ATP6V0A2: variants seen among roughly 807,000 people sequenced by gnomAD.
ATP6V0A2 encodes V-type proton ATPase 116 kDa subunit a 2.
ATP6V0A2 carries 58 observed loss-of-function variants against 104.4 expected under a neutral mutation model. The ratio of observed to expected loss-of-function variants is 0.56; its 90% confidence interval spans 0.45 to 0.69. ATP6V0A2 has a LOEUF of 0.69. Ranked by LOEUF, ATP6V0A2 falls within the 30% of genes least tolerant of loss-of-function variation. The pLI is 0.00. For synonymous variants in ATP6V0A2, 376 were observed against 397.9 expected (o/e 0.95, Z 0.65); for missense variants, 938 against 1,062.9 (o/e 0.88, Z 1.63).
chr12:123,723,734 C>A (rs1483578086), intron 3 of ATP6V0A2: 2 of 152,182 alleles, frequency 1.3e-5, no homozygotes, highest in East Asian at 3.8e-4. Flanking sequence ...GCTGGGATTA[C>A]AGGCGTGAGC....
intron 9 of ATP6V0A2, among the ~76,000 whole-genome samples, chr12:123,743,499 C>G (rs967535042): frequency 6.6e-6 from 1 of 151,956 alleles, no homozygotes; most frequent in Non-Finnish European, 1.5e-5. Flanking sequence ...ACTAAAAATA[C>G]AAAATTAGAC....
At position 123,718,705 on chromosome 12, in the gene ATP6V0A2, A is replaced by G. The variant is rs1241215496; in HGVS notation, c.196+4A>G. 10 of 1,605,178 alleles carry G rather than the reference A, an allele frequency of 6.2e-6. 1 individual carries two copies. Among genetic ancestry groups the G allele is most frequent in the East Asian group, 2.2e-5 (1 of 44,752 alleles). On this transcript the variant is annotated splice_donor_region_variant and intron_variant, in intron 2 of 19. Transcript: ENST00000330342. ...GAAGAGCTAGAGCGAATATTGGGTA[A>G]GTTTATTTTCTGATTTAACAACTTA... is the stretch of plus-strand genomic sequence containing the variant.
Position 123,744,040 on chromosome 12 carries a change from T to G in ATP6V0A2, c.1189+105T>G. On this transcript the variant is annotated intron_variant, in intron 10 of 19. Coordinates refer to ENST00000330342, the MANE Select transcript of ATP6V0A2 (RefSeq NM_012463.4). This position sits in a 1 kb window ranked among gnomAD's most constrained non-coding sequence, Gnocchi z 5.4. The stretch of plus-strand genomic sequence containing the variant: ...GAAAGAGAGGCTGACCATTACTTTT[T>G]TGCTATCTTATTTAAAAGTATAAGG... 7 of 1,557,498 alleles carry G rather than the reference T, an allele frequency of 4.5e-6. No homozygotes were observed. In the African/African-American group the frequency reaches 8.1e-5, roughly 18 times the overall value.
chr12:123,740,538 C>G (rs1263459346), intron 9 of ATP6V0A2, among the ~76,000 whole-genome samples: 1 of 152,144 alleles, frequency 6.6e-6, no homozygotes, highest in Non-Finnish European at 1.5e-5. Flanking sequence ...CGTGGTCTTT[C>G]TGTATGTTCT....
At chr12:123,735,695 T>C (rs1047712157) in intron 8 of ATP6V0A2, 71 bp downstream of exon 8, 1 of 1,223,698 alleles carries the variant, frequency 8.2e-7, no homozygotes, top group Non-Finnish European at 1.2e-6. Context: ...ATTTTCTCTC[T>C]TTTTTAACAT....
chr12:123,736,618 T>C (rs2135901183), intron 8 of ATP6V0A2, among the ~76,000 whole-genome samples: 1 of 152,318 alleles, frequency 6.6e-6, no homozygotes, highest in South Asian at 2.1e-4. Flanking sequence ...TGGCATGAAG[T>C]GTCCTTCTGA....
chr12:123,730,055 T>C lies in ATP6V0A2; in HGVS notation c.648+2146T>C, dbSNP rs867436662. Among the ~76,000 whole-genome samples, 137 of 103,434 alleles carry C rather than the reference T, an allele frequency of 1.3e-3. 2 individuals are homozygous for C. The highest frequency in any genetic ancestry group is 2.1e-3 in the East Asian group (8 of 3,782). The allele number at this position is 103,434 out of a possible 152,430, so 67.9% of individuals were successfully genotyped here. A position where few individuals can be genotyped will look rare whatever the true frequency, so the allele number is the denominator to read the frequency against. On this transcript the variant is annotated intron_variant, in intron 6 of 19. Transcript: ENST00000330342. The stretch of plus-strand genomic sequence containing the variant: ...ATCAGGAGTTAGGTCTTTTTTTTTT[T>C]TTTTTTTTTTTTTTTTTGAGACAGC...
At position 123,752,147 on chromosome 12, in the gene ATP6V0A2, A is replaced by C. The variant is rs1215931192; in HGVS notation, c.2056-136A>C. The C allele has an allele frequency of 9.7e-6, 11 of 1,130,670 alleles. No homozygotes were observed. The East Asian group carries it at 1.5e-4, about 15-fold the overall frequency. 70.0% of individuals were successfully genotyped at this position (1,130,670 alleles called of 1,614,324 possible). ...AGTGCTGTGATTACAGGTGTGAGCC[A>C]CTGTGCCTAGCCTAAAGAACTTTTT... On this transcript the variant is annotated intron_variant, in intron 16 of 19. Coordinates refer to ENST00000330342, the MANE Select transcript of ATP6V0A2 (RefSeq NM_012463.4).
chr12:123,728,906 C>T (rs1226512782), intron 6 of ATP6V0A2, among the ~76,000 whole-genome samples: 3 of 152,018 alleles, frequency 2.0e-5, no homozygotes, highest in African/African-American at 7.3e-5. Flanking sequence ...TGGTCGTGGT[C>T]GCTCTGATCA....
Position 123,761,616 on chromosome 12 carries a change from G to T in ATP6V0A2, c.*3584G>T, listed in dbSNP as rs910900754. 6.6e-6 allele frequency: 1 copy of T among 152,166 alleles called. No individual in the cohort carries two copies. Among genetic ancestry groups the T allele is most frequent in the African/African-American group, 2.4e-5 (1 of 41,424 alleles). The allele number at this position is 152,166 out of a possible 1,614,324, so 9.4% of individuals were successfully genotyped here. A position where few individuals can be genotyped will look rare whatever the true frequency, so the allele number is the denominator to read the frequency against. The stretch of plus-strand genomic sequence containing the variant: ...TAGGGTTAGCCTGAGTCATCTAGGG[G>T]CTCAACTCCTTGTGAGGGGAAATGA... On this transcript the variant is annotated 3_prime_UTR_variant, in exon 20 of 20. Coordinates refer to ENST00000330342, the MANE Select transcript of ATP6V0A2 (RefSeq NM_012463.4).
chr12:123,715,080 C>CA (rs1292324391), intron 1 of ATP6V0A2, among the ~76,000 whole-genome samples: 1 of 151,826 alleles, frequency 6.6e-6, no homozygotes, highest in Non-Finnish European at 1.5e-5. Flanking sequence ...GACTCCGTCT[C>CA]AAAAAAAAGT....
At chr12:123,725,081 G>A (rs950080787) in intron 4 of ATP6V0A2, among the ~76,000 whole-genome samples, 1 of 152,026 alleles carries the variant, frequency 6.6e-6, no homozygotes, top group Admixed American at 6.5e-5. Context: ...GATTACAGGC[G>A]CCCGCCACCA....
chr12:123,732,865 C>T (rs1956516330), intron 6 of ATP6V0A2: 1 of 151,994 alleles, frequency 6.6e-6, no homozygotes, highest in South Asian at 2.1e-4. Context: ...TTTAAGTTCC[C>T]TTCCCCTCCC....
At chr12:123,745,661 G>A (rs977339738) in intron 13 of ATP6V0A2, among the ~76,000 whole-genome samples, 21 of 151,782 alleles carry the variant, frequency 1.4e-4, no homozygotes, top group African/African-American at 4.8e-4. Context: ...AGCCGAGATG[G>A]TGCCATTGCA....
chr12:123,743,985 T>C (rs1956635293), intron 10 of ATP6V0A2, 50 bp downstream of exon 10: 1 of 1,609,296 alleles, frequency 6.2e-7, no homozygotes, highest in Admixed American at 1.7e-5. Flanking sequence ...CATTGTTGCA[T>C]TCTTGCTCTA....
chr12:123,759,210 T>C lies in ATP6V0A2; in HGVS notation c.*1178T>C, dbSNP rs1956789609. 6.6e-6 allele frequency: 1 copy of C among 151,684 alleles called. No individual in the cohort carries two copies. Among genetic ancestry groups the C allele is most frequent in the Non-Finnish European group, 1.5e-5 (1 of 68,026 alleles). The allele number at this position is 151,684 out of a possible 1,614,324, so 9.4% of individuals were successfully genotyped here. On this transcript the variant is annotated 3_prime_UTR_variant, in exon 20 of 20. Transcript: ENST00000330342. ...AAATATAAATGAAGATATTTTACCA[T>C]GAAGAGATTGCACTTATCCTTGAGA...
rs1202525356 is a variant in ATP6V0A2 at position 123,744,489 on chromosome 12, G to T, written c.1327-108G>T. 2.6e-6 allele frequency: 4 copies of T among 1,567,694 alleles called. No individual in the cohort carries two copies. The highest frequency in any genetic ancestry group is 1.4e-5 in the African/African-American group (1 of 74,048). ...TGCGGCTGACAGGGATGTCTGCGGGGCGAGGCTGTTTTCTGAGAAGTGAGT... is the reference window on the plus strand; with the variant it reads ...TGCGGCTGACAGGGATGTCTGCGGGTCGAGGCTGTTTTCTGAGAAGTGAGT... On this transcript the variant is annotated intron_variant, in intron 11 of 19. Transcript: ENST00000330342. The surrounding 1 kb of genome is among the most constrained non-coding windows in gnomAD (Gnocchi z 5.4).
chr12:123,746,577 G>A (rs968466618), intron 13 of ATP6V0A2, among the ~76,000 whole-genome samples: 2 of 147,978 alleles, frequency 1.4e-5, no homozygotes, highest in Non-Finnish European at 3.0e-5. Flanking sequence ...GGTCAAGGCT[G>A]CAGTGAGCCC....
Position 123,748,728 on chromosome 12 carries a change from AT to A in ATP6V0A2, c.1881del (p.Phe627LeufsTer57), listed in dbSNP as rs1449881755. On this transcript the variant is annotated frameshift_variant, in exon 15 of 20. Transcript: ENST00000330342. LOFTEE classifies it high-confidence loss of function. ...GAGTTGCTCCCAGCATTCTGATTGA[AT>A]TTATTAACATGTTTTTATTCCCAGC... ...SRVAPSILIE[F>X]INMFLFPASK... The A allele has an allele frequency of 6.2e-7, 1 of 1,614,062 alleles. No individual in the cohort carries two copies. The highest frequency in any genetic ancestry group is 1.3e-5 in the African/African-American group (1 of 74,914).
Sources: allele counts gnomAD v4.1 joint callset (sites outside exome capture counted in the v4.1 genomes callset), GRCh38; gene constraint gnomAD v4.1.1; non-coding constraint Gnocchi (gnomAD v3.1); transcripts MANE v1.5; gene names NCBI Gene and HGNC (gene_info 2026-07-23, HGNC 2026-07-21).